Variants in RBMS3 observed in about 807,000 individuals in gnomAD.
RBMS3 encodes RNA binding motif single stranded interacting protein 3.
RBMS3 carries 27 observed loss-of-function variants against 66.8 expected under a neutral mutation model. The ratio of observed to expected loss-of-function variants is 0.40; its 90% CI spans 0.30 to 0.56. The LOEUF (loss-of-function observed/expected upper bound fraction) is 0.56, where lower values mean the gene tolerates loss of function less well. RBMS3 is among the 20% of genes least tolerant of loss of function. RBMS3 has a pLI of 0.40. For synonymous variants in RBMS3, 188 were observed against 183.0 expected (o/e 1.03, Z -0.22); for missense variants, 513 against 549.5 (o/e 0.93, Z 0.66).
chr3:29,442,541 T>C (rs1480981456), intron 2 of RBMS3, among the ~76,000 whole-genome samples: 4 of 152,076 alleles, frequency 2.6e-5, no homozygotes, highest in Non-Finnish European at 5.9e-5. Context: ...ACAAAAAAGA[T>C]GGAGATGTAA....
chr3:29,827,717 C>A (rs1201995439), intron 6 of RBMS3, among the ~76,000 whole-genome samples: 3 of 152,092 alleles, frequency 2.0e-5, no homozygotes, highest in Non-Finnish European at 4.4e-5. Flanking sequence ...TATCACACTG[C>A]CTCTTGCATG....
chr3:29,855,240 G>T (rs1176229162), intron 6 of RBMS3, among the ~76,000 whole-genome samples: 1 of 152,112 alleles, frequency 6.6e-6, no homozygotes, highest in African/African-American at 2.4e-5. Flanking sequence ...ATGAGTAAGT[G>T]GTGAAACTGA....
At chr3:29,485,534 A>G (rs2043288929) in intron 2 of RBMS3, among the ~76,000 whole-genome samples, 1 of 152,172 alleles carries the variant, frequency 6.6e-6, no homozygotes, top group African/African-American at 2.4e-5. Flanking sequence ...GGGTTGCCAA[A>G]AAGCATCTTT....
intron 4 of RBMS3, among the ~76,000 whole-genome samples, chr3:29,669,173 C>A (rs1017281276): frequency 6.6e-6 from 1 of 152,196 alleles, no homozygotes; most frequent in South Asian, 2.1e-4. Context: ...GCTCCCGAAC[C>A]CTCATGGGAG....
chr3:29,593,398 G>A (rs921057352), intron 4 of RBMS3, among the ~76,000 whole-genome samples: 1 of 152,168 alleles, frequency 6.6e-6, no homozygotes, highest in Non-Finnish European at 1.5e-5. Flanking sequence ...TCACTACAGT[G>A]GGATGGAGCC....
At chr3:29,853,551 C>A (rs1021372810) in intron 6 of RBMS3, among the ~76,000 whole-genome samples, 6 of 149,286 alleles carry the variant, frequency 4.0e-5, no homozygotes, top group Non-Finnish European at 5.9e-5. Flanking sequence ...ATATCCTGAT[C>A]ATTGTCCCTC....
chr3:29,956,356 C>T (rs886826409), intron 12 of RBMS3, among the ~76,000 whole-genome samples: 3 of 152,064 alleles, frequency 2.0e-5, no homozygotes, highest in Non-Finnish European at 2.9e-5. Context: ...TCTGTTACCA[C>T]CTGATGAATT....
intron 6 of RBMS3, among the ~76,000 whole-genome samples, chr3:29,830,313 A>C (rs1263015082): frequency 4.6e-5 from 7 of 152,160 alleles, no homozygotes; most frequent in Non-Finnish European, 7.4e-5. Context: ...TCAAAACAGA[A>C]CATTTTAGTT....
chr3:30,001,788 AT>A (rs1699624203), intron 14 of RBMS3, among the ~76,000 whole-genome samples: 1 of 150,742 alleles, frequency 6.6e-6, no homozygotes. Flanking sequence ...TTTATTTCTT[AT>A]TTTATTATTT....
chr3:29,883,758 GA>G (rs1195836524), intron 7 of RBMS3, among the ~76,000 whole-genome samples: 2 of 152,008 alleles, frequency 1.3e-5, no homozygotes, highest in Admixed American at 1.3e-4. Context: ...CTTTAAGATT[GA>G]ATGCATTTTT....
intron 12 of RBMS3, among the ~76,000 whole-genome samples, chr3:29,967,675 ATTC>A (rs1342091884): frequency 2.0e-5 from 3 of 152,140 alleles, no homozygotes; most frequent in African/African-American, 7.2e-5. Context: ...AGGGCATCTA[ATTC>A]TTCCTGATTT....
chr3:29,739,833 A>T lies in RBMS3; in HGVS notation c.513A>T (p.Ile171=). Residue 171 remains isoleucine, a synonymous_variant, in exon 5 of 15, where the codon ATA becomes ATT. Coordinates refer to ENST00000383767, the MANE Select transcript of RBMS3 (RefSeq NM_001003793.3). ...KPFGHVISTR[I]LRDANGVSRG... ...TTGGACATGTCATTTCCACAAGAATACTAAGAGACGCTAATGGAGTCAGCA... is the reference window on the plus strand; with the variant it reads ...TTGGACATGTCATTTCCACAAGAATTCTAAGAGACGCTAATGGAGTCAGCA... 20 of 1,612,670 alleles carry T rather than the reference A, an allele frequency of 1.2e-5. No individual in the cohort carries two copies. Among genetic ancestry groups the T allele is most frequent in the Non-Finnish European group, 1.7e-5 (20 of 1,179,434 alleles).
Position 29,760,281 on chromosome 3 carries a change from A to ACC in RBMS3, c.558-2626_558-2625dup, listed in dbSNP as rs1553659310. On this transcript the variant is annotated intron_variant, in intron 5 of 14. Transcript: ENST00000383767. ...CACACACACACACATACACACACAC[A>ACC]CCCCTACACACACACACACACCCCT... Among the ~76,000 whole-genome samples the ACC allele has an allele frequency of 1.9e-4, 28 of 149,588 alleles. 1 individual carries two copies. The highest frequency in any genetic ancestry group is 1.7e-3 in the South Asian group (8 of 4,740).
intron 6 of RBMS3, among the ~76,000 whole-genome samples, chr3:29,770,761 G>T (rs560919851): frequency 3.3e-5 from 5 of 151,910 alleles, no homozygotes; most frequent in Non-Finnish European, 7.4e-5. Context: ...GTGTCTGTCC[G>T]GATGAGTCCT....
intron 2 of RBMS3, among the ~76,000 whole-genome samples, chr3:29,437,866 G>A (rs566411424): frequency 1.8e-4 from 27 of 152,150 alleles, no homozygotes; most frequent in African/African-American, 6.0e-4. Flanking sequence ...TTATTTATCT[G>A]CCAGACTTAC....
intron 3 of RBMS3, among the ~76,000 whole-genome samples, chr3:29,526,491 A>G (rs1488739666): frequency 7.9e-6 from 1 of 126,688 alleles, no homozygotes; most frequent in Non-Finnish European, 1.6e-5. Context: ...ACTGCACTCC[A>G]GCCTGGACGA....
chr3:29,413,178 G>T (rs1489763847), intron 1 of RBMS3, among the ~76,000 whole-genome samples: 1 of 152,146 alleles, frequency 6.6e-6, no homozygotes, highest in East Asian at 1.9e-4. Flanking sequence ...AGACCAGCCT[G>T]GCCAACATGG....
intron 4 of RBMS3, among the ~76,000 whole-genome samples, chr3:29,655,442 A>T (rs1175467091): frequency 6.6e-6 from 1 of 152,232 alleles, no homozygotes; most frequent in East Asian, 1.9e-4. Flanking sequence ...GTTAAGGACA[A>T]GTTACATATG....
chr3:29,743,603 T>G (rs1038001789), intron 5 of RBMS3, among the ~76,000 whole-genome samples: 4 of 152,188 alleles, frequency 2.6e-5, no homozygotes, highest in African/African-American at 9.7e-5. Flanking sequence ...ACTCTAAAGC[T>G]TTGCCTTAGG....
Sources: gnomAD v4.1 joint callset for allele counts (sites outside exome capture counted in the v4.1 genomes callset) on GRCh38, gnomAD v4.1.1 for gene constraint, MANE v1.5 for transcripts, NCBI Gene and HGNC (gene_info 2026-07-23, HGNC 2026-07-21) for gene names.